Variants in MAST2 observed in about 807,000 individuals in gnomAD.
The protein encoded by MAST2 is microtubule associated serine/threonine kinase 2.
In MAST2, 70 loss-of-function variants were observed where a neutral mutation model predicts 147.4. The observed-to-expected ratio is 0.47, with a 90% confidence interval of 0.39 to 0.58. The LOEUF (loss-of-function observed/expected upper bound fraction) is 0.58, where lower values mean the gene tolerates loss of function less well. MAST2 is among the 20% of genes least tolerant of loss of function. The pLI, the probability that MAST2 is intolerant of heterozygous loss-of-function variation, is 0.00. For synonymous variants in MAST2, 869 were observed against 896.8 expected (o/e 0.97, Z 0.55); for missense variants, 2,080 against 2,302.3 (o/e 0.90, Z 1.98).
rs150579497 is a variant in MAST2 at position 45,857,146 on chromosome 1, A to G, written c.469-25218A>G. ...GCCTGTCTACATCCACTTGAATGTA[A>G]GCTTTAAGAGGTCAGGGATTTTTAT... On this transcript the variant is annotated intron_variant, in intron 3 of 28. Transcript: ENST00000361297. Among the ~76,000 whole-genome samples, 646 of 152,172 alleles carry G rather than the reference A, an allele frequency of 4.2e-3. 5 individuals are homozygous for G. The highest frequency in any genetic ancestry group is 0.014 in the African/African-American group (602 of 41,520).
Position 45,917,460 on chromosome 1 carries a change from C to G in MAST2, c.500+35065C>G, listed in dbSNP as rs552805184. On this transcript the variant is annotated intron_variant, in intron 4 of 28. Coordinates refer to ENST00000361297, the MANE Select transcript of MAST2 (RefSeq NM_015112.3). Reference sequence around the variant, plus strand: ...TGATTGTGCTTTGGCTACTTCTCCTCTTGCCATTTTCCTGAACCCACGAGC... The same window carrying G: ...TGATTGTGCTTTGGCTACTTCTCCTGTTGCCATTTTCCTGAACCCACGAGC... 2.9e-6 allele frequency: 4 copies of G among 1,366,620 alleles called. No individual in the cohort carries two copies. In the South Asian group the frequency reaches 4.5e-5, roughly 16 times the overall value. The allele number at this position is 1,366,620 out of a possible 1,614,324, so 84.7% of individuals were successfully genotyped here. A position where few individuals can be genotyped will look rare whatever the true frequency, so the allele number is the denominator to read the frequency against.
intron 3 of MAST2, among the ~76,000 whole-genome samples, chr1:45,867,952 C>G (rs1646227418): frequency 6.6e-6 from 1 of 152,128 alleles, no homozygotes; most frequent in South Asian, 2.1e-4. Flanking sequence ...GTGTTTTGGC[C>G]TCATTCTCAA....
intron 10 of MAST2, among the ~76,000 whole-genome samples, chr1:46,013,877 A>G (rs1571209378): frequency 6.6e-6 from 1 of 152,150 alleles, no homozygotes; most frequent in East Asian, 1.9e-4. Context: ...TGGGAACAGG[A>G]GACAGGTTTT....
At chr1:46,009,516 TGAA>T (rs1176459513) in intron 9 of MAST2, among the ~76,000 whole-genome samples, 2 of 152,230 alleles carry the variant, frequency 1.3e-5, no homozygotes, top group Non-Finnish European at 2.9e-5. Context: ...ACAATAAGCA[TGAA>T]GAAGGAGGCA....
At chr1:45,978,428 A>T (rs988945105) in intron 5 of MAST2, among the ~76,000 whole-genome samples, 2 of 152,190 alleles carry the variant, frequency 1.3e-5, no homozygotes, top group African/African-American at 2.4e-5. Flanking sequence ...AGGCAAAAGA[A>T]TTACTTCAAC....
At chr1:45,839,314 G>C (rs1381463787) in intron 3 of MAST2, among the ~76,000 whole-genome samples, 3 of 152,096 alleles carry the variant, frequency 2.0e-5, no homozygotes, top group Non-Finnish European at 4.4e-5. Context: ...ATTTTTAGTA[G>C]GGATGGGGTT....
At chr1:45,981,586 G>A (rs990375509) in intron 5 of MAST2, among the ~76,000 whole-genome samples, 1 of 152,060 alleles carries the variant, frequency 6.6e-6, no homozygotes, top group South Asian at 2.1e-4. Context: ...TCCTTCAGAG[G>A]GTATTTTCCC....
chr1:46,035,276 A>C lies in MAST2; in HGVS notation c.4607A>C (p.Lys1536Thr), dbSNP rs1646854833. 6.2e-7 allele frequency: 1 copy of C among 1,613,874 alleles called. No individual in the cohort carries two copies. Among genetic ancestry groups the C allele is most frequent in the Admixed American group, 1.7e-5 (1 of 60,008 alleles). Residue 1536 changes from lysine (K) to threonine (T), a missense_variant, in exon 29 of 29, where the codon AAA (lysine) becomes ACA (threonine). Lys to Thr is a moderately conservative substitution (Grantham distance 78). This residue lies in a region of MAST2 where 1,278 missense variants were observed against 1,304.2 expected (regional missense o/e 0.98). Coordinates refer to ENST00000361297, the MANE Select transcript of MAST2 (RefSeq NM_015112.3). The surrounding 1 kb of genome is among the most constrained non-coding windows in gnomAD (Gnocchi z 5.5). ...GAAGTGAGCCAGAGTGTGGCCCCTA[A>C]AGGAGCAGGAGAGAGTGGGGAAGAG... ...HPEVSQSVAP[K>T]GAGESGEEDP...
At chr1:45,863,268 G>A (rs924176531) in intron 3 of MAST2, among the ~76,000 whole-genome samples, 2 of 152,104 alleles carry the variant, frequency 1.3e-5, no homozygotes, top group Non-Finnish European at 2.9e-5. Flanking sequence ...AACCTATTTT[G>A]ATAGAGGAGT....
At chr1:45,924,330 T>C (rs1325806201) in intron 4 of MAST2, among the ~76,000 whole-genome samples, 1 of 152,220 alleles carries the variant, frequency 6.6e-6, no homozygotes, top group Non-Finnish European at 1.5e-5. Flanking sequence ...GCAACATCTT[T>C]ATGATGAACC....
chr1:45,859,941 C>G (rs370741020), intron 3 of MAST2, among the ~76,000 whole-genome samples: 57 of 152,080 alleles, frequency 3.7e-4, no homozygotes, highest in Non-Finnish European at 6.6e-4. Context: ...ATGTTCTAGT[C>G]GGAAGCATGG....
chr1:45,857,850 G>GTTTTTTT (rs35371770), intron 3 of MAST2, among the ~76,000 whole-genome samples: 79 of 66,518 alleles, frequency 1.2e-3, no homozygotes, highest in Admixed American at 3.0e-3. Context: ...AACATGCGGT[G>GTTTTTTT]TTTTTTTTTT....
At chr1:45,884,571 A>G (rs1465925601) in intron 4 of MAST2, among the ~76,000 whole-genome samples, 2 of 152,050 alleles carry the variant, frequency 1.3e-5, no homozygotes, top group South Asian at 2.1e-4. Context: ...AAATAAATAA[A>G]TAAAAAAGCC....
At position 45,987,961 on chromosome 1, in the gene MAST2, A is replaced by G. The variant is rs559841167; in HGVS notation, c.593-9763A>G. ...AGTGATATAATTTCCTTTCTAATAT[A>G]ATGTAGTGATATAATTTTCCCCCTA... On this transcript the variant is annotated intron_variant, in intron 5 of 28. Coordinates refer to ENST00000361297, the MANE Select transcript of MAST2 (RefSeq NM_015112.3). 2.0e-5 allele frequency among the ~76,000 whole-genome samples: 3 copies of G among 151,722 alleles called. No homozygotes were observed. The East Asian group carries it at 5.8e-4, about 29-fold the overall frequency.
At chr1:45,930,063 G>A (rs960127772) in intron 4 of MAST2, among the ~76,000 whole-genome samples, 8 of 152,134 alleles carry the variant, frequency 5.3e-5, no homozygotes, top group Admixed American at 3.9e-4. Context: ...CAAGTAAAAA[G>A]TCATATTAAA....
In MAST2 at chr1:45,989,085, C is replaced by G. The variant is rs140602881; in HGVS notation, c.593-8639C>G. ...AAGACATATAGTATTAGTATGTATACTAACCTGTGAATATACACATATCTA... is the reference window on the plus strand; with the variant it reads ...AAGACATATAGTATTAGTATGTATAGTAACCTGTGAATATACACATATCTA... On this transcript the variant is annotated intron_variant, in intron 5 of 28. Transcript: ENST00000361297. Among the ~76,000 whole-genome samples the G allele has an allele frequency of 1.2e-3, 187 of 152,270 alleles. 3 individuals are homozygous for G. The highest frequency in any genetic ancestry group is 4.4e-3 in the African/African-American group (181 of 41,544).
At chr1:45,804,280 G>T (rs557915639) in intron 1 of MAST2, among the ~76,000 whole-genome samples, 113 of 152,172 alleles carry the variant, frequency 7.4e-4, no homozygotes, top group African/African-American at 2.5e-3. Context: ...GGGTGTAGAA[G>T]AATGAAAAAT....
intron 4 of MAST2, among the ~76,000 whole-genome samples, chr1:45,911,013 G>GT (rs1378419665): frequency 2.4e-4 from 36 of 152,182 alleles, no homozygotes; most frequent in Admixed American, 1.8e-3. Context: ...TAATTAATTT[G>GT]TTTTGTGTGT....
At chr1:45,979,879 C>G (rs1364578615) in intron 5 of MAST2, among the ~76,000 whole-genome samples, 4 of 152,168 alleles carry the variant, frequency 2.6e-5, no homozygotes, top group Non-Finnish European at 5.9e-5. Context: ...AATGAAATCA[C>G]TGATGCAGCT....
Sources: gnomAD v4.1 joint callset for allele counts (sites outside exome capture counted in the v4.1 genomes callset) on GRCh38, gnomAD v4.1.1 for gene constraint, gnomAD v4.1.1 regional missense constraint, Gnocchi (gnomAD v3.1) non-coding constraint, MANE v1.5 for transcripts, NCBI Gene and HGNC (gene_info 2026-07-23, HGNC 2026-07-21) for gene names.